The following LDLRAD4 variants were observed in gnomAD, a reference collection of about 807,000 sequenced individuals.
The protein encoded by LDLRAD4 is low density lipoprotein receptor class A domain containing 4.
LDLRAD4 carries 5 observed loss-of-function variants against 17.0 expected under a neutral mutation model. The ratio of observed to expected loss-of-function variants is 0.29; its 90% confidence interval spans 0.15 to 0.62. LDLRAD4 has a LOEUF of 0.62. LDLRAD4 is among the 20% of genes least tolerant of loss of function. The pLI, the probability that LDLRAD4 is intolerant of heterozygous loss-of-function variation, is 0.84. For synonymous variants in LDLRAD4, 168 were observed against 171.8 expected (o/e 0.98, Z 0.17); for missense variants, 340 against 424.7 (o/e 0.80, Z 1.75).
intron 3 of LDLRAD4, among the ~76,000 whole-genome samples, chr18:13,605,607 G>T (rs1319280628): frequency 6.6e-6 from 1 of 152,218 alleles, no homozygotes; most frequent in East Asian, 1.9e-4. Context: ...CCTGAAAGGT[G>T]CAGGTAGATC....
At chr18:13,620,073 A>G (rs1377055924) in intron 3 of LDLRAD4, among the ~76,000 whole-genome samples, 2 of 152,038 alleles carry the variant, frequency 1.3e-5, no homozygotes, top group Non-Finnish European at 2.9e-5. Flanking sequence ...CTCGGTTCCC[A>G]GGGTGTGGGC....
At chr18:13,318,514 AG>A (rs2081051751) in intron 1 of LDLRAD4, among the ~76,000 whole-genome samples, 1 of 152,190 alleles carries the variant, frequency 6.6e-6, no homozygotes, top group African/African-American at 2.4e-5. Flanking sequence ...TACCTGCCTT[AG>A]CCTCCCAAAA....
At chr18:13,350,786 C>T (rs2144381957) in intron 1 of LDLRAD4, among the ~76,000 whole-genome samples, 1 of 152,240 alleles carries the variant, frequency 6.6e-6, no homozygotes, top group South Asian at 2.1e-4. Context: ...AGTTTTTAAT[C>T]CATCTTGAGT....
At chr18:13,263,374 A>C (rs539334245) in intron 1 of LDLRAD4, among the ~76,000 whole-genome samples, 1 of 151,474 alleles carries the variant, frequency 6.6e-6, no homozygotes, top group South Asian at 2.1e-4. Flanking sequence ...GTGCGACTCT[A>C]TGTGTGGGGC....
At chr18:13,278,258 T>A (rs2146223885) in intron 1 of LDLRAD4, 70 bp downstream of exon 2, 2 of 152,462 alleles carry the variant, frequency 1.3e-5, no homozygotes, top group African/African-American at 4.8e-5. Context: ...CGGCAGGAGC[T>A]GCTCTGCAGT....
intron 3 of LDLRAD4, among the ~76,000 whole-genome samples, chr18:13,541,756 A>T (rs1445014103): frequency 1.3e-5 from 2 of 152,200 alleles, no homozygotes; most frequent in African/African-American, 4.8e-5. Flanking sequence ...ACTGAGAGTA[A>T]TATATGAAAA....
intron 3 of LDLRAD4, among the ~76,000 whole-genome samples, chr18:13,505,300 C>T (rs3909688): frequency 0.072 from 10,902 of 152,178 alleles, 614 homozygotes; most frequent in African/African-American, 0.16. Flanking sequence ...ATCTAATGCT[C>T]ACGACTCTCA....
At chr18:13,242,379 C>G (rs1331065787) in intron 1 of LDLRAD4, among the ~76,000 whole-genome samples, 1 of 152,140 alleles carries the variant, frequency 6.6e-6, no homozygotes, top group Non-Finnish European at 1.5e-5. Context: ...TGGTTTCAGG[C>G]CTGGAGCTGT....
At chr18:13,386,938 A>AGATAGATG (rs2085876043) in intron 1 of LDLRAD4, among the ~76,000 whole-genome samples, 1 of 128,316 alleles carries the variant, frequency 7.8e-6, no homozygotes, top group African/African-American at 3.2e-5. Context: ...ATAGATAGAT[A>AGATAGATG]GATAGATAGA....
At chr18:13,328,688 A>G (rs1364546833) in intron 1 of LDLRAD4, among the ~76,000 whole-genome samples, 1 of 152,222 alleles carries the variant, frequency 6.6e-6, no homozygotes, top group Admixed American at 6.5e-5. Flanking sequence ...GAATATATTA[A>G]TGTGTTCATT....
chr18:13,322,210 A>T (rs1033554726), intron 1 of LDLRAD4, among the ~76,000 whole-genome samples: 1 of 151,168 alleles, frequency 6.6e-6, no homozygotes, highest in Non-Finnish European at 1.5e-5. Context: ...TTATGTAAGG[A>T]CTTTTACTTC....
intron 3 of LDLRAD4, among the ~76,000 whole-genome samples, chr18:13,552,142 T>C (rs1165706871): frequency 6.6e-6 from 1 of 152,114 alleles, no homozygotes; most frequent in East Asian, 1.9e-4. Flanking sequence ...GAGACAGACA[T>C]CCAGACCATA....
At chr18:13,256,963 T>C (rs1008671821) in intron 1 of LDLRAD4, among the ~76,000 whole-genome samples, 3 of 152,246 alleles carry the variant, frequency 2.0e-5, no homozygotes, top group African/African-American at 7.2e-5. Flanking sequence ...TTCTTTTCCT[T>C]AAACATTTCT....
At chr18:13,236,656 C>T (rs1447148520) in intron 1 of LDLRAD4, among the ~76,000 whole-genome samples, 1 of 152,168 alleles carries the variant, frequency 6.6e-6, no homozygotes, top group Non-Finnish European at 1.5e-5. Flanking sequence ...CCTCTGCTTC[C>T]TCTGGGTGCT....
intron 3 of LDLRAD4, among the ~76,000 whole-genome samples, chr18:13,620,653 A>T (rs1055041425): frequency 6.6e-6 from 1 of 152,210 alleles, no homozygotes; most frequent in African/African-American, 2.4e-5. Context: ...GACCACTCCT[A>T]AAGTGCTGTG....
At chr18:13,406,839 G>A (rs1156572304) in intron 2 of LDLRAD4, among the ~76,000 whole-genome samples, 1 of 152,214 alleles carries the variant, frequency 6.6e-6, no homozygotes, top group Non-Finnish European at 1.5e-5. Flanking sequence ...AGGGCTGCCT[G>A]TCCCTGAGTA....
rs939929379 is a variant in LDLRAD4, at chr18:13,387,511, C to T, written c.-212C>T. The T allele has an allele frequency of 9.9e-6, 5 of 505,192 alleles. No homozygotes were observed. The highest frequency in any genetic ancestry group is 7.8e-5 in the Admixed American group (2 of 25,760). The allele number at this position is 505,192 out of a possible 1,614,324, so 31.3% of individuals were successfully genotyped here. A position where few individuals can be genotyped will look rare whatever the true frequency, so the allele number is the denominator to read the frequency against. ...CTCCGCGCCCTGGCTGGACGGCTGA[C>T]GGGAGCAGGGACCGCCGCCGCCCAG... On this transcript the variant is annotated 5_prime_UTR_variant, in exon 2 of 6. In the 5' UTR this introduces an upstream ATG that the reference lacks. Coordinates refer to ENST00000359446, the Ensembl canonical transcript of LDLRAD4.
At chr18:13,424,920 C>T (rs2089804445) in intron 2 of LDLRAD4, among the ~76,000 whole-genome samples, 1 of 152,178 alleles carries the variant, frequency 6.6e-6, no homozygotes, top group South Asian at 2.1e-4. Flanking sequence ...GGACTATGTC[C>T]TGGAAGTGAT....
chr18:13,306,160 A>T (rs549623264), intron 1 of LDLRAD4, among the ~76,000 whole-genome samples: 2 of 152,334 alleles, frequency 1.3e-5, no homozygotes, highest in East Asian at 3.9e-4. Context: ...AAAAAGCTAC[A>T]AAGGACATTT....
Sources: gnomAD v4.1 joint callset for allele counts (sites outside exome capture counted in the v4.1 genomes callset) on GRCh38, gnomAD v4.1.1 for gene constraint, MANE v1.5 for transcripts, NCBI Gene and HGNC (gene_info 2026-07-23, HGNC 2026-07-21) for gene names.